RIMS2: variants seen among roughly 807,000 people sequenced by gnomAD.
RIMS2 encodes regulating synaptic membrane exocytosis protein 2.
In RIMS2, 59 loss-of-function variants were observed where a neutral mutation model predicts 174.4. The ratio of observed to expected loss-of-function variants is 0.34; its 90% CI spans 0.27 to 0.42. The LOEUF (loss-of-function observed/expected upper bound fraction) is 0.42. RIMS2 is among the 10% of genes least tolerant of loss of function. The probability of loss-of-function intolerance (pLI) is 1.00; values close to 1 mark genes in which losing one functional copy is unlikely to be tolerated. For synonymous variants in RIMS2, 606 were observed against 572.5 expected (o/e 1.06, Z -0.84); for missense variants, 1,620 against 1,666.3 (o/e 0.97, Z 0.48).
rs185377383 is a variant in RIMS2 at position 104,248,232 on chromosome 8, G to A, written c.3477-469G>A. 2.2e-3 allele frequency among the ~76,000 whole-genome samples: 332 copies of A among 152,234 alleles called. 1 individual carries two copies. The highest frequency in any genetic ancestry group is 7.5e-3 in the African/African-American group (311 of 41,524). On this transcript the variant is annotated intron_variant, in intron 20 of 23. Transcript: ENST00000504942. The stretch of plus-strand genomic sequence containing the variant: ...GGGTAGTAACTGGAGAGGGAAATGG[G>A]GTCAGGAAAGGGATTTTTTTATATG...
At chr8:103,700,683 T>A (rs2097157299) in intron 2 of RIMS2, among the ~76,000 whole-genome samples, 1 of 151,988 alleles carries the variant, frequency 6.6e-6, no homozygotes, top group South Asian at 2.1e-4. Context: ...TGATTTTGTC[T>A]TATGTCATCT....
chr8:103,838,030 T>A (rs1432435097), intron 3 of RIMS2, among the ~76,000 whole-genome samples: 1 of 151,876 alleles, frequency 6.6e-6, no homozygotes, highest in Non-Finnish European at 1.5e-5. Context: ...TACTGCAGCT[T>A]TGACCTCCCT....
At chr8:103,524,701 AC>A (rs1833168014) in intron 1 of RIMS2, among the ~76,000 whole-genome samples, 1 of 152,082 alleles carries the variant, frequency 6.6e-6, no homozygotes, top group Non-Finnish European at 1.5e-5. Context: ...GATCCAGAAA[AC>A]CTATAGTCCT....
At chr8:103,789,014 G>C (rs2098470853) in intron 3 of RIMS2, among the ~76,000 whole-genome samples, 1 of 152,186 alleles carries the variant, frequency 6.6e-6, no homozygotes, top group Non-Finnish European at 1.5e-5. Context: ...GCAGTATTCG[G>C]GTGGGAGTGA....
chr8:104,166,783 A>G (rs574303355), intron 19 of RIMS2, among the ~76,000 whole-genome samples: 17 of 151,780 alleles, frequency 1.1e-4, no homozygotes, highest in African/African-American at 2.2e-4. Flanking sequence ...ATATATCCCA[A>G]CCTTCCCTTC....
At chr8:103,545,314 G>T (rs749949651) in intron 1 of RIMS2, among the ~76,000 whole-genome samples, 4 of 151,268 alleles carry the variant, frequency 2.6e-5, no homozygotes, top group Admixed American at 6.6e-5. Flanking sequence ...AACTTAGAAA[G>T]AAATTAAAAA....
intron 3 of RIMS2, among the ~76,000 whole-genome samples, chr8:103,796,536 CT>C (rs1224137967): frequency 6.6e-6 from 1 of 152,092 alleles, no homozygotes; most frequent in African/African-American, 2.4e-5. Context: ...TCTCACACCA[CT>C]TTTTTTCCTT....
chr8:103,521,807 T>C (rs866528611), intron 1 of RIMS2, among the ~76,000 whole-genome samples: 3 of 151,480 alleles, frequency 2.0e-5, no homozygotes, highest in Non-Finnish European at 2.9e-5. Context: ...TTCCCAAGAG[T>C]GGATAATTCA....
chr8:103,728,466 T>A (rs2097549769), intron 2 of RIMS2, among the ~76,000 whole-genome samples: 2 of 152,132 alleles, frequency 1.3e-5, no homozygotes, highest in African/African-American at 4.8e-5. Flanking sequence ...CAGTACTATG[T>A]TGAATAACAG....
chr8:103,943,376 A>T (rs149379056), intron 14 of RIMS2, among the ~76,000 whole-genome samples: 1 of 152,072 alleles, frequency 6.6e-6, no homozygotes, highest in Admixed American at 6.5e-5. Flanking sequence ...ATTCCAGACT[A>T]CCCTGAGTTT....
At chr8:103,607,980 T>C (rs1252472999) in intron 1 of RIMS2, among the ~76,000 whole-genome samples, 1 of 146,954 alleles carries the variant, frequency 6.8e-6, no homozygotes, top group East Asian at 1.9e-4. Flanking sequence ...TTTGATCGTC[T>C]GAAGCCTTCT....
At position 104,164,518 on chromosome 8, in the gene RIMS2, A is replaced by G. The variant is rs1251485505; in HGVS notation, c.3335-80398A>G. 2.0e-5 allele frequency among the ~76,000 whole-genome samples: 3 copies of G among 152,242 alleles called. No homozygotes were observed. In the East Asian group the frequency reaches 5.8e-4, roughly 29 times the overall value. On this transcript the variant is annotated intron_variant, in intron 19 of 23. Transcript: ENST00000504942. Reference sequence around the variant, plus strand: ...GAACAATGAAAGATATGCCATTTCAACTATTCACAATAGCAAACACATGAA... The same window carrying G: ...GAACAATGAAAGATATGCCATTTCAGCTATTCACAATAGCAAACACATGAA...
chr8:103,657,564 C>A (rs181053262), intron 1 of RIMS2, among the ~76,000 whole-genome samples: 1 of 152,166 alleles, frequency 6.6e-6, no homozygotes, highest in Non-Finnish European at 1.5e-5. Flanking sequence ...AAGGATTGCC[C>A]TGTCAACAAA....
intron 3 of RIMS2, among the ~76,000 whole-genome samples, chr8:103,817,711 A>T (rs1249000037): frequency 6.6e-6 from 1 of 152,162 alleles, no homozygotes; most frequent in African/African-American, 2.4e-5. Flanking sequence ...TGGGAGGCAG[A>T]CGTTGCAGTG....
chr8:104,036,448 G>A (rs1252278222), intron 19 of RIMS2, among the ~76,000 whole-genome samples: 2 of 151,798 alleles, frequency 1.3e-5, no homozygotes, highest in South Asian at 2.1e-4. Flanking sequence ...ACACCACCCG[G>A]TCTGGAAATA....
At chr8:103,831,034 C>A (rs555305353) in intron 3 of RIMS2, among the ~76,000 whole-genome samples, 1 of 152,128 alleles carries the variant, frequency 6.6e-6, no homozygotes, top group Non-Finnish European at 1.5e-5. Flanking sequence ...GTCTCGAACT[C>A]CTGAGCTCAA....
chr8:103,965,306 C>A (rs2091511918), intron 15 of RIMS2, among the ~76,000 whole-genome samples: 1 of 152,026 alleles, frequency 6.6e-6, no homozygotes, highest in East Asian at 1.9e-4. Context: ...TTATTTAGTT[C>A]TTTTTTATTT....
chr8:104,147,385 C>T (rs531341488), intron 19 of RIMS2, among the ~76,000 whole-genome samples: 348 of 151,998 alleles, frequency 2.3e-3, no homozygotes, highest in Non-Finnish European at 3.8e-3. Flanking sequence ...TCTTTTACCG[C>T]CTAAATACTT....
At chr8:104,127,745 TA>T (rs1264520793) in intron 19 of RIMS2, among the ~76,000 whole-genome samples, 1 of 151,154 alleles carries the variant, frequency 6.6e-6, no homozygotes, top group African/African-American at 2.4e-5. Context: ...AAAAAAACAA[TA>T]AAAAAGAAAT....
Sources: allele counts gnomAD v4.1 joint callset (sites outside exome capture counted in the v4.1 genomes callset), GRCh38; gene constraint gnomAD v4.1.1; transcripts MANE v1.5; gene names NCBI Gene and HGNC (gene_info 2026-07-23, HGNC 2026-07-21).